PWP1: variants seen among roughly 807,000 people sequenced by gnomAD.
PWP1 encodes the protein periodic tryptophan protein 1 homolog.
In PWP1, 47 loss-of-function variants were observed where a neutral mutation model predicts 69.9. The observed-to-expected ratio is 0.67, with a 90% confidence interval of 0.53 to 0.86. The LOEUF (loss-of-function observed/expected upper bound fraction) is 0.86. PWP1 is among the 40% of genes least tolerant of loss of function. PWP1 has a pLI of 0.00. For synonymous variants in PWP1, 222 were observed against 208.2 expected, an observed-to-expected ratio of 1.07 and a Z score of -0.57; for missense variants, 551 against 608.8, an observed-to-expected ratio of 0.91 and a Z score of 1.00.
At chr12:107,710,076 G>A (rs1171942131) in intron 13 of PWP1, among the ~76,000 whole-genome samples, 1 of 152,164 alleles carries the variant, frequency 6.6e-6, no homozygotes, top group Non-Finnish European at 1.5e-5. Flanking sequence ...TAAAAGGACA[G>A]CTAAAGTTTC....
chr12:107,691,890 C>G (rs1407035444), intron 3 of PWP1, among the ~76,000 whole-genome samples: 1 of 152,200 alleles, frequency 6.6e-6, no homozygotes, highest in Non-Finnish European at 1.5e-5. Context: ...CCTCCATTTA[C>G]CAGCGGCACA....
rs1889986714 is a variant in PWP1 at position 107,712,879 on chromosome 12, C to T, written c.*659C>T. The T allele has an allele frequency of 6.6e-6, 1 of 152,192 alleles. No individual in the cohort carries two copies. The highest frequency in any genetic ancestry group is 2.1e-4 in the South Asian group (1 of 4,838). The allele number at this position is 152,192 out of a possible 1,614,324, so 9.4% of individuals were successfully genotyped here. A position where few individuals can be genotyped will look rare whatever the true frequency, so the allele number is the denominator to read the frequency against. ...TTCAGTGTGAATAAGTCTTTGCTCT[C>T]CACCTAACAAGGGACAGTTTTAATT... On this transcript the variant is annotated 3_prime_UTR_variant, in exon 15 of 15. Coordinates refer to ENST00000412830, the MANE Select transcript of PWP1 (RefSeq NM_007062.3).
At position 107,697,494 on chromosome 12, in the gene PWP1, C is replaced by A; in HGVS notation, c.641C>A (p.Thr214Asn). ...AATTACATTGCTGTAGGAAACATGA[C>A]CCCTGTTATTGAAGTGTGGGACCTT... ...TGNYIAVGNMTPVIEVWDLDI... is the reference protein window; with the variant it reads ...TGNYIAVGNMNPVIEVWDLDI... The change falls in exon 7 of 15, where the codon ACC becomes AAC. Residue 214 changes from threonine to asparagine, a missense_variant. Physicochemically the swap from Thr to Asn is moderately conservative, Grantham distance 65 (BLOSUM62 0). Coordinates refer to ENST00000412830, the MANE Select transcript of PWP1 (RefSeq NM_007062.3). 1 of 1,600,896 alleles carries A rather than the reference C, an allele frequency of 6.2e-7. No individual in the cohort carries two copies. Among genetic ancestry groups the A allele is most frequent in the Non-Finnish European group, 8.5e-7 (1 of 1,175,192 alleles).
intron 7 of PWP1, among the ~76,000 whole-genome samples, chr12:107,698,189 C>A (rs946556582): frequency 1.3e-5 from 2 of 152,152 alleles, no homozygotes; most frequent in African/African-American, 4.8e-5. Flanking sequence ...TGGTGAAACC[C>A]TGTCTCTACT....
At chr12:107,697,134 C>T (rs1489731228) in intron 6 of PWP1, among the ~76,000 whole-genome samples, 1 of 152,162 alleles carries the variant, frequency 6.6e-6, no homozygotes, top group African/African-American at 2.4e-5. Context: ...TTCATCCCCA[C>T]AGCACCCCAT....
chr12:107,693,514 G>A (rs910223048), intron 5 of PWP1, among the ~76,000 whole-genome samples: 3 of 151,934 alleles, frequency 2.0e-5, no homozygotes, highest in Admixed American at 6.6e-5. Context: ...AAATGTGATT[G>A]CCTGTTTTTC....
chr12:107,690,514 A>G (rs1038177059), intron 3 of PWP1, among the ~76,000 whole-genome samples: 2 of 152,190 alleles, frequency 1.3e-5, no homozygotes, highest in African/African-American at 2.4e-5. Flanking sequence ...CCCAGGCTAG[A>G]GTGCTGTAGT....
chr12:107,710,922 G>A (rs970899891), intron 14 of PWP1, among the ~76,000 whole-genome samples: 10 of 146,184 alleles, frequency 6.8e-5, no homozygotes, highest in Admixed American at 1.4e-4. Context: ...ATTTAAGGCC[G>A]AGACCAGCTC....
chr12:107,699,500 A>G, intron 8 of PWP1, 66 bp downstream of exon 8: 1 of 1,271,284 alleles, frequency 7.9e-7, no homozygotes, highest in Non-Finnish European at 1.1e-6. Context: ...CCTCATGCCT[A>G]CACTCATCTC....
intron 5 of PWP1, among the ~76,000 whole-genome samples, chr12:107,696,161 T>C (rs1466416118): frequency 2.0e-5 from 3 of 151,310 alleles, no homozygotes; most frequent in Admixed American, 6.6e-5. Context: ...GCCTCCCTAG[T>C]AGCTGGGACT....
Position 107,713,016 on chromosome 12 carries a change from C to T in PWP1, c.*796C>T, listed in dbSNP as rs929480813. 1 of 152,172 alleles carries T rather than the reference C, an allele frequency of 6.6e-6. No homozygotes were observed. Among genetic ancestry groups the T allele is most frequent in the Non-Finnish European group, 1.5e-5 (1 of 68,028 alleles). 9.4% of individuals were successfully genotyped at this position (152,172 alleles called of 1,614,324 possible). A position where few individuals can be genotyped will look rare whatever the true frequency, so the allele number is the denominator to read the frequency against. On this transcript the variant is annotated 3_prime_UTR_variant, in exon 15 of 15. Coordinates refer to ENST00000412830, the MANE Select transcript of PWP1 (RefSeq NM_007062.3). ...CCAGAAGAGTAATCAGTTCATGAAC[C>T]ATTGATATTTCCTGTATATTTCATG...
chr12:107,689,377 AG>A (rs1291784597), intron 3 of PWP1, among the ~76,000 whole-genome samples: 1 of 151,884 alleles, frequency 6.6e-6, no homozygotes. Context: ...ACCACCACTG[AG>A]GGTCTTGGAA....
At position 107,693,047 on chromosome 12, in the gene PWP1, T is replaced by C. The variant is rs903981150; in HGVS notation, c.453T>C (p.Leu151=). Residue 151 remains leucine (L), a synonymous_variant, in exon 5 of 15, where the codon CTT becomes CTC. Transcript: ENST00000412830. ...EDFLIKPSDN[L]IVCGRAEQDQ... ...TCTTGATTAAGCCCAGTGATAATCTTATAGTTTGTGGCCGAGCTGAACAGG... is the reference window on the plus strand; with the variant it reads ...TCTTGATTAAGCCCAGTGATAATCTCATAGTTTGTGGCCGAGCTGAACAGG... 1.1e-5 allele frequency: 17 copies of C among 1,614,056 alleles called. No homozygotes were observed. The Middle Eastern group carries it at 4.9e-4, about 47-fold the overall frequency.
intron 8 of PWP1, among the ~76,000 whole-genome samples, chr12:107,700,527 AAAT>A (rs1311024396): frequency 4.6e-5 from 7 of 152,194 alleles, no homozygotes; most frequent in Non-Finnish European, 1.0e-4. Flanking sequence ...TTTTAAGGCT[AAAT>A]AATATTCCAT....
chr12:107,709,546 C>G (rs542881971), intron 13 of PWP1, among the ~76,000 whole-genome samples: 2 of 149,816 alleles, frequency 1.3e-5, no homozygotes, highest in African/African-American at 4.9e-5. Flanking sequence ...GAAATCAAGA[C>G]CATCCCAAGA....
In PWP1 at chr12:107,699,334, G is replaced by A. The variant is rs768975190; in HGVS notation, c.745-39G>A. 19 of 1,436,838 alleles carry A rather than the reference G, an allele frequency of 1.3e-5. No individual in the cohort carries two copies. In the South Asian group the frequency reaches 2.1e-4, roughly 16 times the overall value. 89.0% of individuals were successfully genotyped at this position (1,436,838 alleles called of 1,614,324 possible). ...AATATATTCAGTTTTATTATGAGGG[G>A]GACTTTAATACAAAAAATAATTAAA... On this transcript the variant is annotated intron_variant, in intron 7 of 14. Coordinates refer to ENST00000412830, the MANE Select transcript of PWP1 (RefSeq NM_007062.3).
In PWP1 at chr12:107,685,853, C is replaced by G. The variant is rs919240335; in HGVS notation, c.-47C>G. Reference sequence around the variant, plus strand: ...GGCAGCAGTGCGGTCGTGGTCCCTCCCTATGCAGCCTGGTTTCTAGCGTGA... The same window carrying G: ...GGCAGCAGTGCGGTCGTGGTCCCTCGCTATGCAGCCTGGTTTCTAGCGTGA... On this transcript the variant is annotated 5_prime_UTR_variant, in exon 1 of 15. Transcript: ENST00000412830. 1 of 1,604,922 alleles carries G rather than the reference C, an allele frequency of 6.2e-7. No homozygotes were observed. Among genetic ancestry groups the G allele is most frequent in the Non-Finnish European group, 8.5e-7 (1 of 1,172,270 alleles).
In PWP1 at chr12:107,688,825, G is replaced by T. The variant is rs1043109993; in HGVS notation, c.319+23G>T. On this transcript the variant is annotated intron_variant, in intron 3 of 14. Transcript: ENST00000412830. ...CAGGTTAGTTTATCCACTTCTGATGGTTTGTAATTACAAGCTCAATATGTT... is the reference window on the plus strand; with the variant it reads ...CAGGTTAGTTTATCCACTTCTGATGTTTTGTAATTACAAGCTCAATATGTT... 1.9e-6 allele frequency: 3 copies of T among 1,601,188 alleles called. No individual in the cohort carries two copies. In the Admixed American group the frequency reaches 5.1e-5, roughly 27 times the overall value.
chr12:107,695,893 A>G lies in PWP1; in HGVS notation c.503-581A>G, dbSNP rs567619149. ...AACATTTGTTTTCTATGAATGACCT[A>G]GAAGACAGGACCATTTATCTGACAA... On this transcript the variant is annotated intron_variant, in intron 5 of 14. Transcript: ENST00000412830. Among the ~76,000 whole-genome samples, 4 of 152,332 alleles carry G rather than the reference A, an allele frequency of 2.6e-5. No homozygotes were observed. The South Asian group carries it at 8.3e-4, about 32-fold the overall frequency.
Sources: allele counts gnomAD v4.1 joint callset (sites outside exome capture counted in the v4.1 genomes callset), GRCh38; gene constraint gnomAD v4.1.1; transcripts MANE v1.5; gene names NCBI Gene and HGNC (gene_info 2026-07-23, HGNC 2026-07-21).